DMBT1: variants seen among roughly 807,000 people sequenced by gnomAD.
DMBT1 encodes deleted in malignant brain tumors 1, also known as scavenger receptor cysteine-rich domain-containing protein DMBT1.
DMBT1 carries 198 observed loss-of-function variants against 252.9 expected under a neutral mutation model. That is an observed-to-expected ratio of 0.78 (90% CI 0.70 to 0.88). The LOEUF (loss-of-function observed/expected upper bound fraction) is 0.88, where lower values mean the gene tolerates loss of function less well. DMBT1 is among the 40% of genes least tolerant of loss of function. DMBT1 has a pLI of 0.00. For synonymous variants in DMBT1, 990 were observed against 942.7 expected, an observed-to-expected ratio of 1.05 and a Z score of -0.92; for missense variants, 2,432 against 2,404.7, an observed-to-expected ratio of 1.01 and a Z score of -0.24.
At chr10:122,599,870 A>C (rs1428712535) in intron 26 of DMBT1, among the ~76,000 whole-genome samples, 194 bp from the exon 27 acceptor site, 1 of 152,124 alleles carries the variant, frequency 6.6e-6, no homozygotes, top group African/African-American at 2.4e-5. Flanking sequence ...CAGAGCTGGC[A>C]ATAGTGGACA....
chr10:122,592,559 T>A lies in DMBT1; in HGVS notation c.2464T>A (p.Cys822Ser). The A allele has an allele frequency of 1.9e-6, 3 of 1,588,462 alleles. 1 individual carries two copies. In the East Asian group the frequency reaches 7.0e-5, roughly 37 times the overall value. Residue 822 changes from cysteine to serine, a missense_variant, in exon 20 of 56, where the codon TGT (cysteine) becomes AGT (serine). Around this residue, in one of 3 missense-constraint regions of DMBT1, gnomAD observed 1,264 missense variants for 1,082.2 expected, o/e 1.17. Coordinates refer to ENST00000338354, the MANE Select transcript of DMBT1 (RefSeq NM_001377530.1). Reference sequence around the variant, plus strand: ...CCACAATGGCTGGCTCTCCCACAACTGTGGCCATCATGAAGATGCTGGTGT... The same window carrying A: ...CCACAATGGCTGGCTCTCCCACAACAGTGGCCATCATGAAGATGCTGGTGT... Reference protein sequence around the residue: ...CPHNGWLSHNCGHHEDAGVIC... With the variant: ...CPHNGWLSHNSGHHEDAGVIC...
At chr10:122,625,142 A>T in intron 44 of DMBT1, 135 bp from the exon 45 acceptor site, 1 of 810,294 alleles carries the variant, frequency 1.2e-6, no homozygotes. Context: ...TAAGGTTTAT[A>T]TCTACTATTC....
rs1203303271 is a variant in DMBT1 at position 122,599,059 on chromosome 10, A to G, written c.3242A>G (p.Asn1081Ser). 27 of 1,613,800 alleles carry G rather than the reference A, an allele frequency of 1.7e-5. No individual in the cohort carries two copies. Among genetic ancestry groups the G allele is most frequent in the Non-Finnish European group, 1.8e-5 (21 of 1,179,744 alleles). ...CCCCACAATGGCTGGCTCTCCCACA[A>G]CTGTGGCCATAGTGAAGACGCTGGT... ...SCPHNGWLSH[N>S]CGHSEDAGVI... Residue 1081 changes from asparagine (N) to serine (S), a missense_variant, in exon 26 of 56, where the codon AAC becomes AGC. By Grantham distance (46) the Asn-to-Ser change is conservative. This residue lies in a region of DMBT1 where 1,264 missense variants were observed against 1,082.2 expected (regional missense o/e 1.17). Transcript: ENST00000338354.
chr10:122,628,672 G>C (rs2098135987), intron 46 of DMBT1, among the ~76,000 whole-genome samples: 1 of 152,132 alleles, frequency 6.6e-6, no homozygotes, highest in Non-Finnish European at 1.5e-5. Flanking sequence ...ATTTAATATT[G>C]ATTTATGCTA....
intron 4 of DMBT1, among the ~76,000 whole-genome samples, chr10:122,571,635 A>G (rs1425688483): frequency 6.6e-6 from 1 of 152,222 alleles, no homozygotes; most frequent in Non-Finnish European, 1.5e-5. Flanking sequence ...TGCAGACACC[A>G]AGAGATTTCT....
intron 44 of DMBT1, among the ~76,000 whole-genome samples, chr10:122,623,968 A>G (rs1346237331): frequency 2.0e-5 from 3 of 152,208 alleles, no homozygotes. Context: ...CCTGTAGCTC[A>G]TGGTATTCAG....
chr10:122,623,527 C>T (rs1434483294), intron 44 of DMBT1, among the ~76,000 whole-genome samples: 1 of 152,168 alleles, frequency 6.6e-6, no homozygotes, highest in Non-Finnish European at 1.5e-5. Context: ...CCAAGCAATG[C>T]CTGAGAATTC....
chr10:122,577,938 C>G, intron 8 of DMBT1, 98 bp downstream of exon 8: 1 of 1,347,834 alleles, frequency 7.4e-7, no homozygotes, highest in East Asian at 2.3e-5. Flanking sequence ...TGCAGATACT[C>G]TGGGGCATAT....
chr10:122,564,633 T>A (rs76532963), intron 1 of DMBT1, among the ~76,000 whole-genome samples: 2 of 18,240 alleles, frequency 1.1e-4, no homozygotes, highest in Non-Finnish European at 3.0e-4. Flanking sequence ...ATCACATGTA[T>A]TTTTTTTTTT....
chr10:122,628,060 A>G (rs992068917), intron 46 of DMBT1, among the ~76,000 whole-genome samples: 3 of 152,224 alleles, frequency 2.0e-5, no homozygotes, highest in Admixed American at 1.3e-4. Flanking sequence ...AACCTTATGC[A>G]CGGCTGCAGG....
rs778477856 is a variant in DMBT1 at position 122,621,043 on chromosome 10, G to A, written c.5285-14G>A. On this transcript the variant is annotated splice_polypyrimidine_tract_variant and intron_variant, in intron 43 of 55. Transcript: ENST00000338354. ...TAATCAGTATGGATGAAGGGTTCTT[G>A]TGTTCCCCTGTAGGATCTGAATCCA... is the stretch of plus-strand genomic sequence containing the variant. 5.6e-6 allele frequency: 9 copies of A among 1,612,692 alleles called. 1 individual carries two copies. In the East Asian group the frequency reaches 2.0e-4, roughly 36 times the overall value.
At chr10:122,565,936 T>C in intron 1 of DMBT1, 31 bp from the exon 2 acceptor site, 1 of 1,611,888 alleles carries the variant, frequency 6.2e-7, no homozygotes, top group Non-Finnish European at 8.5e-7. Context: ...TTCTAAACAG[T>C]GTTTCTAAGA....
chr10:122,619,271 G>A, intron 41 of DMBT1, 37 bp from the exon 42 acceptor site: 5 of 1,613,702 alleles, frequency 3.1e-6, no homozygotes, highest in Non-Finnish European at 4.2e-6. Flanking sequence ...TTTCTGTATA[G>A]TGCATCTGAT....
chr10:122,636,339 C>T (rs2133691005), intron 53 of DMBT1, 140 bp downstream of exon 53: 1 of 791,852 alleles, frequency 1.3e-6, no homozygotes, highest in Non-Finnish European at 2.0e-6. Flanking sequence ...CTGAAAGGGA[C>T]CAGGAGCAGT....
At chr10:122,620,630 G>A (rs574529706) in intron 43 of DMBT1, among the ~76,000 whole-genome samples, 1 of 152,348 alleles carries the variant, frequency 6.6e-6, no homozygotes, top group East Asian at 1.9e-4. Context: ...TGGGGAAAGT[G>A]CCTGTCCCCA....
chr10:122,620,117 T>G, intron 42 of DMBT1, 136 bp from the exon 43 acceptor site: 1 of 879,642 alleles, frequency 1.1e-6, no homozygotes, highest in Non-Finnish European at 1.9e-6. Context: ...GCTGAAGACT[T>G]GGGTAGCACT....
rs1490372479 is a variant in DMBT1, at chr10:122,633,444, A to G, written c.6548+103A>G. On this transcript the variant is annotated intron_variant, in intron 52 of 55. Coordinates refer to ENST00000338354, the MANE Select transcript of DMBT1 (RefSeq NM_001377530.1). ...CCAGAAGAATGCCTTGGGGCCCCAC[A>G]GACCTTTCAAGAGGGAATAAATGGT... 3.3e-6 allele frequency: 5 copies of G among 1,519,402 alleles called. No individual in the cohort carries two copies. The African/African-American group carries it at 7.0e-5, about 21-fold the overall frequency. The allele number at this position is 1,519,402 out of a possible 1,614,324, so 94.1% of individuals were successfully genotyped here.
chr10:122,601,140 C>T (rs1002324137), intron 28 of DMBT1, 117 bp downstream of exon 28: 30 of 438,134 alleles, frequency 6.8e-5, no homozygotes, highest in East Asian at 3.4e-4. Flanking sequence ...CTGTGGGTTG[C>T]GTGGGAGGAA....
chr10:122,593,354 T>G (rs973805164), intron 20 of DMBT1, among the ~76,000 whole-genome samples: 12 of 148,242 alleles, frequency 8.1e-5, no homozygotes, highest in South Asian at 4.6e-4. Context: ...GCAGACACAA[T>G]TTGATCACCT....
Sources: allele counts gnomAD v4.1 joint callset (sites outside exome capture counted in the v4.1 genomes callset), GRCh38; gene constraint gnomAD v4.1.1; regional missense constraint gnomAD v4.1.1; transcripts MANE v1.5; gene names NCBI Gene and HGNC (gene_info 2026-07-23, HGNC 2026-07-21).